NFATC4: variants seen among roughly 807,000 people sequenced by gnomAD.
NFATC4 encodes nuclear factor of activated T-cells, cytoplasmic 4.
In NFATC4, 25 loss-of-function variants were observed where a neutral mutation model predicts 73.4. The observed-to-expected ratio is 0.34, with a 90% CI of 0.25 to 0.48. The LOEUF (loss-of-function observed/expected upper bound fraction) is 0.48. Among genes scored for constraint, NFATC4 ranks in the 20% least tolerant of loss-of-function variants. The probability of loss-of-function intolerance (pLI) is 0.99; values close to 1 mark genes in which losing one functional copy is unlikely to be tolerated. For synonymous variants in NFATC4, 523 were observed against 510.3 expected (o/e 1.02, Z -0.34); for missense variants, 1,130 against 1,203.7 (o/e 0.94, Z 0.91).
At chr14:24,371,533 A>G (rs773327661) in intron 2 of NFATC4, among the ~76,000 whole-genome samples, 117 of 152,340 alleles carry the variant, frequency 7.7e-4, no homozygotes, top group Middle Eastern at 3.4e-3. Context: ...CTAGGGTATC[A>G]GGGAGCACAA....
upstream of NFATC4, chr14:24,367,491 G>T: frequency 6.5e-7 from 1 of 1,535,380 alleles, no homozygotes. Flanking sequence ...AAGGGCTGTG[G>T]GCCTAGGGAC....
Position 24,376,674 on chromosome 14 carries a change from C to A in NFATC4, c.2437C>A (p.Pro813Thr), listed in dbSNP as rs2042632128. 6.2e-7 allele frequency: 1 copy of A among 1,613,460 alleles called. No homozygotes were observed. Residue 813 changes from proline to threonine, a missense_variant, in exon 9 of 10, where the codon CCG becomes ACG. By Grantham distance (38) the Pro-to-Thr change is conservative (BLOSUM62 -1). Coordinates refer to ENST00000250373, the MANE Select transcript of NFATC4 (RefSeq NM_004554.5). This position sits in a 1 kb window ranked among gnomAD's most constrained non-coding sequence, Gnocchi z 5.0. The part of the protein sequence containing the change: ...LPFSPPAPFR[P>T]PPLPASPPLE... ...ATTCTCTCCGCCAGCCCCCTTTCGGCCGCCTCCTCTTCCTGCATCCCCACC... is the reference window on the plus strand; with the variant it reads ...ATTCTCTCCGCCAGCCCCCTTTCGGACGCCTCCTCTTCCTGCATCCCCACC...
At position 24,370,263 on chromosome 14, in the gene NFATC4, A is replaced by C; in HGVS notation, c.865A>C (p.Ser289Arg). 1 of 1,612,796 alleles carries C rather than the reference A, an allele frequency of 6.2e-7. No homozygotes were observed. Among genetic ancestry groups the C allele is most frequent in the Admixed American group, 1.7e-5 (1 of 60,000 alleles). The change falls in exon 2 of 10, where the codon AGC (serine) becomes CGC (arginine). Residue 289 changes from serine (S) to arginine (R), a missense_variant. Coordinates refer to ENST00000250373, the MANE Select transcript of NFATC4 (RefSeq NM_004554.5). ...CTCCCCAGCTCTGTCCCGCCGTGGCAGCCTGGGGGAAGAGGGGTCTGAGCC... is the reference window on the plus strand; with the variant it reads ...CTCCCCAGCTCTGTCCCGCCGTGGCCGCCTGGGGGAAGAGGGGTCTGAGCC... ...SASPALSRRG[S>R]LGEEGSEPPP... is the part of the protein sequence containing the mutation.
In NFATC4 at chr14:24,369,676, T is replaced by A. The variant is rs1475114036; in HGVS notation, c.278T>A (p.Val93Glu). The change falls in exon 2 of 10, where the codon GTG becomes GAG. Residue 93 changes from valine (V) to glutamate (E), a missense_variant. Transcript: ENST00000250373. ...GTWESQPARS[V>E]RLGGPGGGAG... Reference sequence around the variant, plus strand: ...TGGGAGAGCCAGCCCGCCAGGTCGGTGAGGCTGGGAGGACCAGGAGGGGGT... The same window carrying A: ...TGGGAGAGCCAGCCCGCCAGGTCGGAGAGGCTGGGAGGACCAGGAGGGGGT... 4 of 1,612,606 alleles carry A rather than the reference T, an allele frequency of 2.5e-6. No individual in the cohort carries two copies. The East Asian group carries it at 8.9e-5, about 36-fold the overall frequency.
At chr14:24,367,605 G>C, upstream of NFATC4, 1 of 1,536,170 alleles carries the variant, frequency 6.5e-7, no homozygotes, top group South Asian at 1.2e-5. Context: ...TGGAGGCGCT[G>C]ATTCGGCAGC....
upstream of NFATC4, chr14:24,368,093 G>T: frequency 4.2e-6 from 5 of 1,182,268 alleles, no homozygotes; most frequent in Non-Finnish European, 5.2e-6. Flanking sequence ...CCCTGGAGGA[G>T]GGGCTGGAGC....
At chr14:24,375,739 C>G (rs28730784) in intron 7 of NFATC4, 24 bp downstream of exon 7, 203 of 517,464 alleles carry the variant, frequency 3.9e-4, no homozygotes, top group Non-Finnish European at 7.1e-4. Context: ...TTGGATACCT[C>G]CTGGGGGGCG....
rs959718780 is a variant in NFATC4 at position 24,372,906 on chromosome 14, G to A, written c.1360-265G>A. 14 of 596,908 alleles carry A rather than the reference G, an allele frequency of 2.3e-5. No individual in the cohort carries two copies. The Admixed American group carries it at 4.2e-4, about 18-fold the overall frequency. 37.0% of individuals were successfully genotyped at this position (596,908 alleles called of 1,614,324 possible). ...GAGGACAAAAGTCACTGGGAGTTAA[G>A]TTTTCTCTGTATTGAGTTGGGCCAG... On this transcript the variant is annotated intron_variant, in intron 3 of 9. Transcript: ENST00000250373.
upstream of NFATC4, chr14:24,367,960 G>A (rs2042350042): frequency 1.7e-6 from 2 of 1,153,986 alleles, no homozygotes; most frequent in South Asian, 3.1e-5. Context: ...GGCAACATTA[G>A]TATCACTCTT....
chr14:24,368,157 T>G (rs532662112), upstream of NFATC4: 7 of 1,223,670 alleles, frequency 5.7e-6, no homozygotes, highest in East Asian at 3.6e-5. Flanking sequence ...TTGAAGAAGT[T>G]TGGGGGAAAA....
rs2228232 is a variant in NFATC4 at position 24,376,337 on chromosome 14, T to C, written c.2100T>C (p.Gly700=). ...CCCTACCGGACTCATCTCTGCGGGGTTTCCCTTCAGCATCGGCAACCCCCT... is the reference window on the plus strand; with the variant it reads ...CCCTACCGGACTCATCTCTGCGGGGCTTCCCTTCAGCATCGGCAACCCCCT... ...EEPLPDSSLR[G]FPSASATPFG... Residue 700 remains glycine, a synonymous_variant, in exon 9 of 10, where the codon GGT becomes GGC. Coordinates refer to ENST00000250373, the MANE Select transcript of NFATC4 (RefSeq NM_004554.5). This position sits in a 1 kb window ranked among gnomAD's most constrained non-coding sequence, Gnocchi z 5.0. 0.061 allele frequency: 97,271 copies of C among 1,599,714 alleles called. 3,274 individuals are homozygous for C. The highest frequency in any genetic ancestry group is 0.11 in the African/African-American group (7,822 of 74,452).
chr14:24,372,841 GA>G, intron 3 of NFATC4: 1 of 617,036 alleles, frequency 1.6e-6, no homozygotes, highest in Non-Finnish European at 2.8e-6. Flanking sequence ...GTCTACTCTG[GA>G]AAATGGTGGC....
chr14:24,376,666 CCTTTCGGCCGCCTCCT>C lies in NFATC4; in HGVS notation c.2433_2448del (p.Arg812LeufsTer27). ...GGGCTGCCATTCTCTCCGCCAGCCC[CCTTTCGGCCGCCTCCT>C]CTTCCTGCATCCCCACCGCTTGAAG... On this transcript the variant is annotated frameshift_variant, in exon 9 of 10. Coordinates refer to ENST00000250373, the MANE Select transcript of NFATC4 (RefSeq NM_004554.5). LOFTEE classifies it high-confidence loss of function. This position sits in a 1 kb window ranked among gnomAD's most constrained non-coding sequence, Gnocchi z 5.0. 1 of 1,613,572 alleles carries C rather than the reference CCTTTCGGCCGCCTCCT, an allele frequency of 6.2e-7. No individual in the cohort carries two copies. Among genetic ancestry groups the C allele is most frequent in the Non-Finnish European group, 8.5e-7 (1 of 1,179,838 alleles).
intron 1 of NFATC4, chr14:24,369,122 G>C: frequency 3.5e-6 from 5 of 1,437,192 alleles, no homozygotes; most frequent in Non-Finnish European, 4.5e-6. Flanking sequence ...AGCGCCGTTT[G>C]GGGGTTTGGG....
Position 24,377,903 on chromosome 14 carries a change from C to A in NFATC4, c.*198C>A, listed in dbSNP as rs188449852. 573 of 1,138,160 alleles carry A rather than the reference C, an allele frequency of 5.0e-4. No individual in the cohort carries two copies. In the Middle Eastern group the frequency reaches 5.4e-3, roughly 11 times the overall value. 70.5% of individuals were successfully genotyped at this position (1,138,160 alleles called of 1,614,324 possible). A position where few individuals can be genotyped will look rare whatever the true frequency, so the allele number is the denominator to read the frequency against. ...TCAGGCCTGGTGCTGCCTTGGAGGG[C>A]TGGGGGAAGGAGTGTGTGGAGGAGG... On this transcript the variant is annotated 3_prime_UTR_variant, in exon 10 of 10. Transcript: ENST00000250373. The surrounding 1 kb of genome is among the most constrained non-coding windows in gnomAD (Gnocchi z 4.2).
Position 24,376,393 on chromosome 14 carries a change from G to C in NFATC4, c.2156G>C (p.Arg719Thr). Residue 719 changes from arginine (R) to threonine (T), a missense_variant, in exon 9 of 10, where the codon AGG (arginine) becomes ACG (threonine). Transcript: ENST00000250373. This position sits in a 1 kb window ranked among gnomAD's most constrained non-coding sequence, Gnocchi z 5.0. ...ACTGACATGGACTTCTCACCACCCA[G>C]GCCCCCCTACCCCTCCTATCCCCAT... ...FGTDMDFSPP[R>T]PPYPSYPHED... is the part of the protein sequence containing the mutation. 2 of 1,613,276 alleles carry C rather than the reference G, an allele frequency of 1.2e-6. No homozygotes were observed. The highest frequency in any genetic ancestry group is 1.7e-6 in the Non-Finnish European group (2 of 1,179,600).
At position 24,372,611 on chromosome 14, in the gene NFATC4, A is replaced by T. The variant is rs563851037; in HGVS notation, c.1359+8A>T. 7 of 1,613,866 alleles carry T rather than the reference A, an allele frequency of 4.3e-6. No homozygotes were observed. In the South Asian group the frequency reaches 6.6e-5, roughly 15 times the overall value. Reference sequence around the variant, plus strand: ...GGTCACCCCGTAGTCAAGGTAAAGGACAGACAGCAGGCCTGATATCCTCTC... The same window carrying T: ...GGTCACCCCGTAGTCAAGGTAAAGGTCAGACAGCAGGCCTGATATCCTCTC... On this transcript the variant is annotated splice_region_variant and intron_variant, in intron 3 of 9. Transcript: ENST00000250373.
At position 24,377,508 on chromosome 14, in the gene NFATC4, T is replaced by C. The variant is rs2042656725; in HGVS notation, c.2642-130T>C. On this transcript the variant is annotated intron_variant, in intron 9 of 9. Transcript: ENST00000250373. This position sits in a 1 kb window ranked among gnomAD's most constrained non-coding sequence, Gnocchi z 4.2. ...TTGGGGAAACTGAGGCCCAGTGGAA[T>C]AGAAGCCAGTAGAGGAGGAATCTAG... is the stretch of plus-strand genomic sequence containing the variant. 3 of 1,496,758 alleles carry C rather than the reference T, an allele frequency of 2.0e-6. No homozygotes were observed. The highest frequency in any genetic ancestry group is 2.4e-5 in the East Asian group (1 of 41,506). The allele number at this position is 1,496,758 out of a possible 1,614,324, so 92.7% of individuals were successfully genotyped here.
At position 24,376,709 on chromosome 14, in the gene NFATC4, C is replaced by T. The variant is rs148620532; in HGVS notation, c.2472C>T (p.Gly824=). The part of the protein sequence containing the change: ...PPLPASPPLE[G]PFPSQSDVHP... ...TTCCTGCATCCCCACCGCTTGAAGG[C>T]CCCTTCCCTTCCCAGAGTGATGTGC... Residue 824 remains glycine (G), a synonymous_variant, in exon 9 of 10, where the codon GGC becomes GGT. Coordinates refer to ENST00000250373, the MANE Select transcript of NFATC4 (RefSeq NM_004554.5). This position sits in a 1 kb window ranked among gnomAD's most constrained non-coding sequence, Gnocchi z 5.0. The T allele has an allele frequency of 3.8e-4, 610 of 1,613,940 alleles. 1 individual carries two copies. The highest frequency in any genetic ancestry group is 4.6e-4 in the Non-Finnish European group (548 of 1,179,974).
Sources: gnomAD v4.1 joint callset for allele counts (sites outside exome capture counted in the v4.1 genomes callset) on GRCh38, gnomAD v4.1.1 for gene constraint, Gnocchi (gnomAD v3.1) non-coding constraint, MANE v1.5 for transcripts, NCBI Gene and HGNC (gene_info 2026-07-23, HGNC 2026-07-21) for gene names.